The following NCKAP5 variants were observed in gnomAD, a reference collection of about 807,000 sequenced individuals.
NCKAP5 encodes the protein NCK associated protein 5.
NCKAP5 carries 92 observed loss-of-function variants against 167.0 expected under a neutral mutation model. The ratio of observed to expected loss-of-function variants is 0.55; its 90% confidence interval spans 0.47 to 0.66. The LOEUF is 0.66. Ranked by LOEUF, NCKAP5 falls within the 30% of genes least tolerant of loss-of-function variation. NCKAP5 has a pLI of 0.00. For missense variants in NCKAP5, 2,378 were observed against 2,315.0 expected, an observed-to-expected ratio of 1.03 and a Z score of -0.56; for synonymous variants, 891 against 877.4, an observed-to-expected ratio of 1.02 and a Z score of -0.27.
At chr2:133,505,570 C>T (rs912548883) in intron 3 of NCKAP5, among the ~76,000 whole-genome samples, 17 of 152,052 alleles carry the variant, frequency 1.1e-4, no homozygotes, top group African/African-American at 3.4e-4. Context: ...ATTCACTCAA[C>T]AACCCTTTGA....
At chr2:133,337,372 T>C (rs1683283836) in intron 3 of NCKAP5, among the ~76,000 whole-genome samples, 1 of 152,144 alleles carries the variant, frequency 6.6e-6, no homozygotes, top group South Asian at 2.1e-4. Context: ...GTACCAAGCT[T>C]GTGTGCTGCA....
chr2:132,878,768 G>T, intron 9 of NCKAP5, 80 bp downstream of exon 9: 1 of 1,001,536 alleles, frequency 1.0e-6, no homozygotes, highest in Non-Finnish European at 1.6e-6. Flanking sequence ...GATACTGGTA[G>T]CACACACACA....
intron 6 of NCKAP5, among the ~76,000 whole-genome samples, chr2:133,002,076 G>A (rs2077802574): frequency 6.6e-6 from 1 of 152,132 alleles, no homozygotes; most frequent in Non-Finnish European, 1.5e-5. Context: ...TCTGGTATCT[G>A]ACGAGGGGTC....
chr2:133,573,098 C>T (rs543924012), upstream of NCKAP5, among the ~76,000 whole-genome samples: 8 of 152,254 alleles, frequency 5.3e-5, no homozygotes, highest in South Asian at 1.7e-3. Flanking sequence ...AAACAGGTGC[C>T]ACATTGAGGG....
chr2:133,672,976 T>A, the NCKAP5 span, among the ~76,000 whole-genome samples: 1 of 152,180 alleles, frequency 6.6e-6, no homozygotes, highest in Non-Finnish European at 1.5e-5. Flanking sequence ...TCCATGTTCC[T>A]CTCATAGCAA....
At chr2:133,644,897 C>A in the NCKAP5 span, among the ~76,000 whole-genome samples, 1 of 152,140 alleles carries the variant, frequency 6.6e-6, no homozygotes, top group East Asian at 1.9e-4. Flanking sequence ...AAATATGTTT[C>A]ACTTTCAAAA....
intron 4 of NCKAP5, among the ~76,000 whole-genome samples, chr2:133,276,966 T>C (rs996248637): frequency 2.0e-5 from 3 of 152,130 alleles, no homozygotes; most frequent in Admixed American, 1.3e-4. Context: ...GTTTAAATAA[T>C]CTTTGAGAAA....
chr2:133,597,298 G>A, the NCKAP5 span, among the ~76,000 whole-genome samples: 2 of 152,322 alleles, frequency 1.3e-5, no homozygotes, highest in East Asian at 3.9e-4. Context: ...TCTGGGGATG[G>A]AGCCAGCAGT....
chr2:132,873,141 T>C (rs1173378411), intron 9 of NCKAP5, among the ~76,000 whole-genome samples: 1 of 152,238 alleles, frequency 6.6e-6, no homozygotes, highest in African/African-American at 2.4e-5. Flanking sequence ...TCTCACTTTG[T>C]CACCCAGGCT....
At chr2:133,476,494 T>C (rs937214871) in intron 3 of NCKAP5, among the ~76,000 whole-genome samples, 1 of 152,210 alleles carries the variant, frequency 6.6e-6, no homozygotes, top group African/African-American at 2.4e-5. Context: ...ATTCTTCAGT[T>C]TCCAGGGCCC....
chr2:133,592,884 C>T, the NCKAP5 span, among the ~76,000 whole-genome samples: 3 of 152,180 alleles, frequency 2.0e-5, no homozygotes, highest in Admixed American at 2.0e-4. Flanking sequence ...CCAGCTTCAT[C>T]AGGGGCTAGA....
chr2:133,658,235 G>T, the NCKAP5 span, among the ~76,000 whole-genome samples: 10,894 of 152,174 alleles, frequency 0.072, 460 homozygotes, highest in African/African-American at 0.094. Context: ...TGTGAGTAAT[G>T]CAGGGTTGAT....
chr2:132,810,602 G>A (rs528345729), intron 11 of NCKAP5, among the ~76,000 whole-genome samples: 1 of 152,146 alleles, frequency 6.6e-6, no homozygotes, highest in South Asian at 2.1e-4. Flanking sequence ...TTCTAAAAGT[G>A]TGTCCAAAGT....
the NCKAP5 span, among the ~76,000 whole-genome samples, chr2:133,601,962 G>A: frequency 6.6e-6 from 1 of 152,058 alleles, no homozygotes; most frequent in Non-Finnish European, 1.5e-5. Context: ...TAAGAATGAT[G>A]AGCACAACAG....
intron 6 of NCKAP5, among the ~76,000 whole-genome samples, chr2:133,065,336 A>G (rs2080154162): frequency 6.6e-6 from 1 of 152,216 alleles, no homozygotes. Flanking sequence ...CTCTTCAATA[A>G]AAATTGTTGG....
chr2:133,095,845 T>C (rs192861142), intron 6 of NCKAP5, among the ~76,000 whole-genome samples: 5 of 152,266 alleles, frequency 3.3e-5, no homozygotes, highest in East Asian at 3.9e-4. Context: ...CCATACGAAA[T>C]TGCCATTTCT....
intron 16 of NCKAP5, among the ~76,000 whole-genome samples, chr2:132,770,432 A>G (rs1574143765): frequency 6.7e-6 from 1 of 148,194 alleles, no homozygotes; most frequent in East Asian, 1.9e-4. Context: ...TAGTATATAT[A>G]TAATATATGG....
intron 2 of NCKAP5, among the ~76,000 whole-genome samples, chr2:133,534,455 A>G (rs1254428884): frequency 6.6e-6 from 1 of 152,082 alleles, no homozygotes; most frequent in African/African-American, 2.4e-5. Context: ...TAACACTCCA[A>G]AAAGAAACCC....
intron 3 of NCKAP5, among the ~76,000 whole-genome samples, chr2:133,313,898 G>A (rs2150629346): frequency 6.6e-6 from 1 of 152,238 alleles, no homozygotes; most frequent in East Asian, 1.9e-4. Context: ...AAAGAATTTG[G>A]CCATGGAAAG....
Sources: gnomAD v4.1 joint callset for allele counts (sites outside exome capture counted in the v4.1 genomes callset) on GRCh38, gnomAD v4.1.1 for gene constraint, MANE v1.5 for transcripts, NCBI Gene and HGNC (gene_info 2026-07-23, HGNC 2026-07-21) for gene names.